SPHKAP: variants seen among roughly 807,000 people sequenced by gnomAD.
SPHKAP encodes the protein A-kinase anchor protein SPHKAP.
Under a neutral mutation model 137.5 loss-of-function variants are expected in SPHKAP, and 67 were observed. That is an observed-to-expected ratio of 0.49 (90% CI 0.40 to 0.60). The LOEUF (loss-of-function observed/expected upper bound fraction) is 0.60, where lower values mean the gene tolerates loss of function less well. Ranked by LOEUF, SPHKAP falls within the 20% of genes least tolerant of loss-of-function variation. The probability of loss-of-function intolerance (pLI) is 0.00; values close to 1 mark genes in which losing one functional copy is unlikely to be tolerated. For synonymous variants in SPHKAP, 813 were observed against 785.3 expected (o/e 1.04, Z -0.59); for missense variants, 2,097 against 2,069.3 (o/e 1.01, Z -0.26).
chr2:228,091,064 G>C (rs1181370306), intron 3 of SPHKAP, among the ~76,000 whole-genome samples: 1 of 152,134 alleles, frequency 6.6e-6, no homozygotes, highest in Non-Finnish European at 1.5e-5. Context: ...GTCAGAGTTT[G>C]TAATACTGGA....
rs569869850 is a variant in SPHKAP at position 228,034,928 on chromosome 2, C to T, written c.247-7385G>A. On this transcript the variant is annotated intron_variant, in intron 3 of 11. Coordinates refer to ENST00000392056, the MANE Select transcript of SPHKAP (RefSeq NM_001142644.2). The stretch of plus-strand genomic sequence containing the variant: ...GACAAACCCACAGCCAATATCATTC[C>T]GGATGGGCAAAAACTGGAAGCATTC... Among the ~76,000 whole-genome samples, 1,422 of 151,006 alleles carry T rather than the reference C, an allele frequency of 9.4e-3. 12 individuals carry two copies. Among genetic ancestry groups the T allele is most frequent in the African/African-American group, 0.023 (934 of 40,884 alleles).
chr2:228,062,272 G>A (rs368347549), intron 3 of SPHKAP, among the ~76,000 whole-genome samples: 45 of 151,594 alleles, frequency 3.0e-4, no homozygotes, highest in African/African-American at 1.0e-3. Flanking sequence ...CTACAGGGGG[G>A]TGCCACCACA....
chr2:228,006,327 C>T (rs371718478), intron 7 of SPHKAP, among the ~76,000 whole-genome samples: 2 of 152,140 alleles, frequency 1.3e-5, no homozygotes, highest in African/African-American at 2.4e-5. Context: ...TCCAGTTGAT[C>T]GAATCGGCTA....
At chr2:228,043,965 A>T (rs996446520) in intron 3 of SPHKAP, among the ~76,000 whole-genome samples, 1 of 152,204 alleles carries the variant, frequency 6.6e-6, no homozygotes, top group African/African-American at 2.4e-5. Context: ...TGAACAGCTC[A>T]ATTATTTTAG....
intron 7 of SPHKAP, among the ~76,000 whole-genome samples, chr2:228,008,683 A>ATT (rs35526328): frequency 6.9e-6 from 1 of 144,886 alleles, no homozygotes; most frequent in Non-Finnish European, 1.5e-5. Flanking sequence ...GTCTGGATTC[A>ATT]TTTTTTTTTT....
chr2:227,997,947 A>C (rs890171337), intron 7 of SPHKAP, among the ~76,000 whole-genome samples: 1 of 152,186 alleles, frequency 6.6e-6, no homozygotes, highest in African/African-American at 2.4e-5. Context: ...TCCACTTGTT[A>C]AGTTGTAAAC....
chr2:227,987,483 T>C (rs1693254798), intron 11 of SPHKAP, among the ~76,000 whole-genome samples: 1 of 149,506 alleles, frequency 6.7e-6, no homozygotes, highest in Non-Finnish European at 1.5e-5. Context: ...TAACAGTGCC[T>C]GGCATTTGTA....
chr2:228,088,371 G>T (rs1444649011), intron 3 of SPHKAP, among the ~76,000 whole-genome samples: 1 of 151,770 alleles, frequency 6.6e-6, no homozygotes, highest in Admixed American at 6.6e-5. Context: ...TGTATTTTGG[G>T]GTGTTAAATT....
In SPHKAP at chr2:228,018,929, G is replaced by A; in HGVS notation, c.1925C>T (p.Ser642Phe). The A allele has an allele frequency of 6.2e-7, 1 of 1,614,120 alleles. No homozygotes were observed. The highest frequency in any genetic ancestry group is 8.5e-7 in the Non-Finnish European group (1 of 1,180,012). ...AGTTTCCATGATTCTCCTGTTCATG[G>A]AGTCCAGAAAGTCTCCAATGCTGCT... Reference protein sequence around the residue: ...TYSSIGDFLDSMNRRIMETAS... With the variant: ...TYSSIGDFLDFMNRRIMETAS... Residue 642 changes from serine (S) to phenylalanine (F), a missense_variant, in exon 7 of 12, where the codon TCC (serine) becomes TTC (phenylalanine). Transcript: ENST00000392056.
At chr2:228,099,534 A>G (rs1698116687) in intron 3 of SPHKAP, among the ~76,000 whole-genome samples, 1 of 152,052 alleles carries the variant, frequency 6.6e-6, no homozygotes, top group Admixed American at 6.6e-5. Flanking sequence ...TATTAATTTT[A>G]TAATAGTTTT....
At chr2:228,134,766 G>A (rs558886330) in intron 1 of SPHKAP, among the ~76,000 whole-genome samples, 1 of 152,300 alleles carries the variant, frequency 6.6e-6, no homozygotes, top group Non-Finnish European at 1.5e-5. Context: ...GGGTCCCACA[G>A]CTCTGTGTCC....
chr2:228,119,136 C>T (rs1698823604), intron 2 of SPHKAP, among the ~76,000 whole-genome samples: 2 of 152,040 alleles, frequency 1.3e-5, no homozygotes, highest in Admixed American at 6.6e-5. Flanking sequence ...AGAGCAGCCT[C>T]CCAGGCAGAG....
intron 3 of SPHKAP, among the ~76,000 whole-genome samples, chr2:228,092,558 ATGTG>A (rs1697834525): frequency 7.3e-6 from 1 of 136,904 alleles, no homozygotes; most frequent in Non-Finnish European, 1.6e-5. Context: ...ATATGTGTAT[ATGTG>A]CCATATATAT....
chr2:228,043,346 A>G (rs1695920547), intron 3 of SPHKAP, among the ~76,000 whole-genome samples: 1 of 152,078 alleles, frequency 6.6e-6, no homozygotes, highest in Admixed American at 6.5e-5. Context: ...TTTTGTTTTG[A>G]GATGGAGTCT....
chr2:228,076,260 C>T (rs551679608), intron 3 of SPHKAP, among the ~76,000 whole-genome samples: 15 of 152,196 alleles, frequency 9.9e-5, no homozygotes, highest in South Asian at 6.2e-4. Flanking sequence ...AGTATGAATA[C>T]GGACTAATAC....
chr2:228,140,901 G>C (rs1319245825), intron 1 of SPHKAP, among the ~76,000 whole-genome samples: 4 of 152,144 alleles, frequency 2.6e-5, no homozygotes, highest in Non-Finnish European at 4.4e-5. Context: ...CACAGAAGCA[G>C]ATGCCAGTGT....
intron 1 of SPHKAP, among the ~76,000 whole-genome samples, chr2:228,136,294 C>T (rs562757095): frequency 1.3e-5 from 2 of 152,110 alleles, no homozygotes; most frequent in Non-Finnish European, 2.9e-5. Context: ...TGGTTTCATG[C>T]TGAAACCGTT....
chr2:228,149,081 A>G (rs1439407555), intron 1 of SPHKAP, among the ~76,000 whole-genome samples: 1 of 152,188 alleles, frequency 6.6e-6, no homozygotes, highest in African/African-American at 2.4e-5. Context: ...AGGACCTTCC[A>G]ATTTGTTTTA....
intron 3 of SPHKAP, among the ~76,000 whole-genome samples, chr2:228,100,108 C>T (rs1353289125): frequency 1.3e-5 from 2 of 152,096 alleles, no homozygotes; most frequent in Admixed American, 1.3e-4. Context: ...CCTCGGCCTC[C>T]CAAAGTGCTG....
Sources: gnomAD v4.1 joint callset for allele counts (sites outside exome capture counted in the v4.1 genomes callset) on GRCh38, gnomAD v4.1.1 for gene constraint, MANE v1.5 for transcripts, NCBI Gene and HGNC (gene_info 2026-07-23, HGNC 2026-07-21) for gene names.